The following MECOM variants were observed in gnomAD, a reference collection of about 807,000 sequenced individuals.
MECOM encodes MDS1 and EVI1 complex locus.
Under a neutral mutation model 116.3 loss-of-function variants are expected in MECOM, and 13 were observed. The ratio of observed to expected loss-of-function variants is 0.11; its 90% confidence interval spans 0.07 to 0.18. MECOM has a LOEUF of 0.18. Among genes scored for constraint, MECOM ranks in the 10% least tolerant of loss-of-function variants. The probability of loss-of-function intolerance (pLI) is 1.00; values close to 1 mark genes in which losing one functional copy is unlikely to be tolerated. For synonymous variants in MECOM, 528 were observed against 535.2 expected (o/e 0.99, Z 0.19); for missense variants, 1,299 against 1,509.0 (o/e 0.86, Z 2.31).
intron 1 of MECOM, 113 bp from the exon 2 acceptor site, chr3:169,381,637 G>C (rs1369016627): frequency 1.3e-6 from 1 of 771,282 alleles, no homozygotes; most frequent in Non-Finnish European, 2.0e-6. Context: ...AAAGACCATT[G>C]TTACGATGTG....
chr3:169,642,945 C>T (rs776177947), intron 1 of MECOM, among the ~76,000 whole-genome samples: 13 of 152,082 alleles, frequency 8.5e-5, no homozygotes, highest in South Asian at 2.1e-4. Context: ...AATGAAAACC[C>T]AGTAGCATCT....
At chr3:169,658,024 A>G (rs777666230) in intron 1 of MECOM, among the ~76,000 whole-genome samples, 18 of 152,084 alleles carry the variant, frequency 1.2e-4, no homozygotes, top group Non-Finnish European at 2.1e-4. Flanking sequence ...TCTTCCTTAC[A>G]CTTGTTCTCA....
chr3:169,542,854 T>C lies in MECOM; in HGVS notation c.37+120482A>G, dbSNP rs190462870. ...ATGATCTGTTTTTACAAATCTACTATGTCTTTGGAAAGTTGAAGCAACTCC... is the reference window on the plus strand; with the variant it reads ...ATGATCTGTTTTTACAAATCTACTACGTCTTTGGAAAGTTGAAGCAACTCC... On this transcript the variant is annotated intron_variant, in intron 1 of 16. Transcript: ENST00000651503. 2.2e-4 allele frequency among the ~76,000 whole-genome samples: 34 copies of C among 152,354 alleles called. No individual in the cohort carries two copies. In the East Asian group the frequency reaches 5.6e-3, roughly 25 times the overall value.
intron 1 of MECOM, among the ~76,000 whole-genome samples, chr3:169,464,951 TATATTTA>T (rs1188994548): frequency 6.6e-6 from 1 of 152,138 alleles, no homozygotes; most frequent in Non-Finnish European, 1.5e-5. Context: ...TCAAGCCAAA[TATATTTA>T]ATATTTAAAA....
chr3:169,402,398 C>T (rs1736051185), intron 1 of MECOM, among the ~76,000 whole-genome samples: 1 of 152,216 alleles, frequency 6.6e-6, no homozygotes, highest in Admixed American at 6.5e-5. Context: ...GCAGAACCAA[C>T]AGGCTTTTCC....
At position 169,365,040 on chromosome 3, in the gene MECOM, TC is replaced by T. The variant is rs1181463920; in HGVS notation, c.375+16146del. Among the ~76,000 whole-genome samples, 11 of 152,180 alleles carry T rather than the reference TC, an allele frequency of 7.2e-5. No homozygotes were observed. The East Asian group carries it at 2.1e-3, about 30-fold the overall frequency. On this transcript the variant is annotated intron_variant, in intron 2 of 16. Coordinates refer to ENST00000651503, the MANE Select transcript of MECOM (RefSeq NM_004991.4). ...TAATTCTTTTTCTTCTTGAGTATCA[TC>T]CATTGGGCAAGAAATCTATTTTTAT... is the stretch of plus-strand genomic sequence containing the variant.
At chr3:169,183,608 T>G (rs1041082114) in intron 2 of MECOM, among the ~76,000 whole-genome samples, 8 of 151,976 alleles carry the variant, frequency 5.3e-5, no homozygotes, top group African/African-American at 1.9e-4. Context: ...TCATATGAAC[T>G]GAGCAGCTCC....
intron 1 of MECOM, among the ~76,000 whole-genome samples, chr3:169,597,469 G>A (rs1401738648): frequency 2.6e-5 from 4 of 152,212 alleles, no homozygotes; most frequent in Non-Finnish European, 4.4e-5. Flanking sequence ...GGAGAACTTT[G>A]ACTTATGGGG....
At chr3:169,086,512 C>T (rs1717795708) in intron 16 of MECOM, 3 of 698,112 alleles carry the variant, frequency 4.3e-6, no homozygotes, top group South Asian at 1.5e-5. Flanking sequence ...CCTCTACTCA[C>T]CTAGCTGTGT....
intron 2 of MECOM, among the ~76,000 whole-genome samples, chr3:169,169,801 A>T (rs986839267): frequency 6.6e-6 from 1 of 151,422 alleles, no homozygotes; most frequent in African/African-American, 2.4e-5. Flanking sequence ...ACTCTGTTCT[A>T]TTCAATTCTA....
intron 1 of MECOM, among the ~76,000 whole-genome samples, chr3:169,568,391 G>A (rs1763497139): frequency 6.6e-6 from 1 of 151,280 alleles, no homozygotes. Context: ...CCTGGAAAAG[G>A]GGCTGAAGCC....
intron 1 of MECOM, among the ~76,000 whole-genome samples, chr3:169,654,841 CAT>C (rs1775348841): frequency 6.7e-6 from 1 of 148,852 alleles, no homozygotes; most frequent in Non-Finnish European, 1.5e-5. Context: ...CACACACACA[CAT>C]ATTAACTTGA....
intron 1 of MECOM, among the ~76,000 whole-genome samples, chr3:169,634,593 T>C (rs1772493543): frequency 6.6e-6 from 1 of 152,112 alleles, no homozygotes; most frequent in Admixed American, 6.5e-5. Context: ...CAAACATCAA[T>C]GCCACCCAAG....
chr3:169,212,633 AATGTAT>A (rs1377986176), intron 2 of MECOM, among the ~76,000 whole-genome samples: 2,214 of 85,346 alleles, frequency 0.026, 485 homozygotes, highest in Middle Eastern at 0.053. Flanking sequence ...TCTAGTCAGC[AATGTAT>A]ATATATATAT....
chr3:169,347,770 C>T (rs530598757), intron 2 of MECOM, among the ~76,000 whole-genome samples: 3 of 152,030 alleles, frequency 2.0e-5, no homozygotes, highest in South Asian at 4.2e-4. Flanking sequence ...GATGACAGGC[C>T]TCTGTGAACA....
At chr3:169,279,069 T>A (rs1389640291) in intron 2 of MECOM, among the ~76,000 whole-genome samples, 1 of 152,206 alleles carries the variant, frequency 6.6e-6, no homozygotes, top group African/African-American at 2.4e-5. Flanking sequence ...TAAGAAGTCA[T>A]TCATTCAGAT....
chr3:169,286,776 C>T (rs1234756217), intron 2 of MECOM, among the ~76,000 whole-genome samples: 1 of 152,108 alleles, frequency 6.6e-6, no homozygotes, highest in Non-Finnish European at 1.5e-5. Flanking sequence ...CAGACATTTG[C>T]CTGCTACCTG....
intron 1 of MECOM, among the ~76,000 whole-genome samples, chr3:169,460,095 G>C (rs913397250): frequency 6.6e-6 from 1 of 151,692 alleles, no homozygotes; most frequent in Admixed American, 6.6e-5. Context: ...GAGCAGAAAA[G>C]CTGGGAACCA....
chr3:169,158,468 G>A (rs1261182543), intron 2 of MECOM, among the ~76,000 whole-genome samples: 1 of 152,164 alleles, frequency 6.6e-6, no homozygotes, highest in African/African-American at 2.4e-5. Flanking sequence ...AAGAGCATGA[G>A]ACGGAAACAC....
Sources: gnomAD v4.1 joint callset for allele counts (sites outside exome capture counted in the v4.1 genomes callset) on GRCh38, gnomAD v4.1.1 for gene constraint, MANE v1.5 for transcripts, NCBI Gene and HGNC (gene_info 2026-07-23, HGNC 2026-07-21) for gene names.